The following ITFG1 variants were observed in gnomAD, a reference collection of about 807,000 sequenced individuals.
ITFG1 encodes T-cell immunomodulatory protein.
In ITFG1, 34 loss-of-function variants were observed where a neutral mutation model predicts 81.8. That is an observed-to-expected ratio of 0.42 (90% CI 0.32 to 0.55). ITFG1 has a LOEUF of 0.55. Among genes scored for constraint, ITFG1 ranks in the 20% least tolerant of loss-of-function variants. ITFG1 has a pLI of 0.17. For synonymous variants in ITFG1, 285 were observed against 270.6 expected, an observed-to-expected ratio of 1.05 and a Z score of -0.52; for missense variants, 672 against 755.4, an observed-to-expected ratio of 0.89 and a Z score of 1.29.
chr16:47,458,191 A>G (rs1969477326), intron 2 of ITFG1, among the ~76,000 whole-genome samples: 1 of 151,974 alleles, frequency 6.6e-6, no homozygotes, highest in African/African-American at 2.4e-5. Context: ...CAGCATTCAA[A>G]CTCTTTTTTG....
rs761380863 is a variant in ITFG1, at chr16:47,260,597, A to T, written c.1169T>A (p.Leu390Gln). The T allele has an allele frequency of 3.1e-6, 5 of 1,614,180 alleles. No homozygotes were observed. The highest frequency in any genetic ancestry group is 4.2e-6 in the Non-Finnish European group (5 of 1,180,020). ...AACCATGGCATCCTTAATTTGATTT[A>T]GGTCTGTCAGCTCCCAGTAGACTTT... ...MFKVYWELTD[L>Q]NQIKDAMVAT... The change falls in exon 11 of 18, where the codon CTA becomes CAA. Residue 390 changes from leucine (L) to glutamine (Q), a missense_variant. Physicochemically the swap from Leu to Gln is moderately radical, Grantham distance 113. This residue lies in a region of ITFG1 where 560 missense variants were observed against 625.7 expected (regional missense o/e 0.90). Coordinates refer to ENST00000320640, the MANE Select transcript of ITFG1 (RefSeq NM_030790.5).
intron 10 of ITFG1, among the ~76,000 whole-genome samples, chr16:47,271,268 T>C (rs1370874182): frequency 2.0e-5 from 3 of 151,986 alleles, no homozygotes; most frequent in Admixed American, 1.3e-4. Context: ...TACAACTCAA[T>C]AGCAAAAAGA....
intron 14 of ITFG1, among the ~76,000 whole-genome samples, chr16:47,205,664 C>T (rs1269210387): frequency 6.6e-6 from 1 of 152,106 alleles, no homozygotes; most frequent in Middle Eastern, 3.2e-3. Context: ...ACCAGGCTTT[C>T]AGGATTGGAG....
intron 14 of ITFG1, among the ~76,000 whole-genome samples, chr16:47,191,698 A>G (rs1965295342): frequency 6.6e-6 from 1 of 152,070 alleles, no homozygotes; most frequent in African/African-American, 2.4e-5. Context: ...TTTAGTAGAG[A>G]CAAGGTTTCA....
intron 8 of ITFG1, among the ~76,000 whole-genome samples, chr16:47,339,855 T>C (rs1346777196): frequency 1.3e-5 from 2 of 151,766 alleles, no homozygotes; most frequent in Non-Finnish European, 2.9e-5. Context: ...AATCTACAAA[T>C]CCAAGAAGCT....
chr16:47,310,122 A>G (rs887833162), intron 10 of ITFG1, among the ~76,000 whole-genome samples: 1 of 152,224 alleles, frequency 6.6e-6, no homozygotes, highest in African/African-American at 2.4e-5. Flanking sequence ...TCCAAACAGG[A>G]TGCAGAGACA....
intron 10 of ITFG1, among the ~76,000 whole-genome samples, chr16:47,285,497 G>A (rs1171019711): frequency 6.6e-6 from 1 of 152,196 alleles, no homozygotes; most frequent in Non-Finnish European, 1.5e-5. Flanking sequence ...CCAACCTGAC[G>A]CTGGTTGGAC....
At chr16:47,410,921 G>A (rs1316759301) in intron 6 of ITFG1, among the ~76,000 whole-genome samples, 1 of 152,170 alleles carries the variant, frequency 6.6e-6, no homozygotes, top group African/African-American at 2.4e-5. Flanking sequence ...CAGGGCCAGG[G>A]AAAGAGCAGG....
intron 6 of ITFG1, among the ~76,000 whole-genome samples, chr16:47,392,931 A>G (rs1048163392): frequency 5.3e-5 from 8 of 152,216 alleles, no homozygotes; most frequent in African/African-American, 1.9e-4. Context: ...AGTACTGACT[A>G]GCTCACAGGT....
chr16:47,242,984 A>T (rs539592137), intron 12 of ITFG1, among the ~76,000 whole-genome samples: 1 of 152,148 alleles, frequency 6.6e-6, no homozygotes, highest in Non-Finnish European at 1.5e-5. Context: ...ATACTTTTCT[A>T]TATGTTATAT....
chr16:47,263,747 A>G (rs373717664), intron 10 of ITFG1, among the ~76,000 whole-genome samples: 10 of 151,378 alleles, frequency 6.6e-5, no homozygotes, highest in African/African-American at 2.5e-4. Context: ...ATGAATGAAT[A>G]AATAAATACA....
At chr16:47,161,575 G>T in intron 16 of ITFG1, 175 bp downstream of exon 16, 1 of 431,020 alleles carries the variant, frequency 2.3e-6, no homozygotes. Context: ...CATGAAAAAT[G>T]TCTGGGACCT....
chr16:47,369,725 G>A (rs1156567533), intron 7 of ITFG1, among the ~76,000 whole-genome samples: 4 of 152,004 alleles, frequency 2.6e-5, no homozygotes, highest in African/African-American at 9.7e-5. Flanking sequence ...TACTCATGGG[G>A]CACACAGTGA....
chr16:47,454,506 A>G (rs1479353424), intron 2 of ITFG1, among the ~76,000 whole-genome samples: 1 of 152,204 alleles, frequency 6.6e-6, no homozygotes, highest in African/African-American at 2.4e-5. Flanking sequence ...ATGGAGGCTC[A>G]TAATTGCCAA....
At chr16:47,325,049 C>A (rs899764698) in intron 8 of ITFG1, among the ~76,000 whole-genome samples, 6 of 152,090 alleles carry the variant, frequency 3.9e-5, no homozygotes, top group African/African-American at 1.4e-4. Flanking sequence ...AGCACCACAC[C>A]ACACCTATTC....
chr16:47,287,975 C>T (rs1429289841), intron 10 of ITFG1, among the ~76,000 whole-genome samples: 1 of 152,236 alleles, frequency 6.6e-6, no homozygotes, highest in Non-Finnish European at 1.5e-5. Context: ...AGAACTTCAA[C>T]TGCTGACATT....
intron 2 of ITFG1, among the ~76,000 whole-genome samples, chr16:47,458,206 T>C (rs1969477631): frequency 6.6e-6 from 1 of 152,242 alleles, no homozygotes; most frequent in Non-Finnish European, 1.5e-5. Context: ...TTTTTGTATC[T>C]GAAGGCTCCC....
intron 6 of ITFG1, among the ~76,000 whole-genome samples, chr16:47,394,774 C>T (rs1260132108): frequency 6.6e-6 from 1 of 152,072 alleles, no homozygotes; most frequent in Non-Finnish European, 1.5e-5. Context: ...AAGTAATAAG[C>T]ACCTGATTCC....
chr16:47,446,426 G>A (rs1403082833), intron 5 of ITFG1, among the ~76,000 whole-genome samples: 1 of 152,190 alleles, frequency 6.6e-6, no homozygotes, highest in Non-Finnish European at 1.5e-5. Context: ...GAGAAAACAT[G>A]AAGATTTCTT....
Sources: allele counts gnomAD v4.1 joint callset (sites outside exome capture counted in the v4.1 genomes callset), GRCh38; gene constraint gnomAD v4.1.1; regional missense constraint gnomAD v4.1.1; transcripts MANE v1.5; gene names NCBI Gene and HGNC (gene_info 2026-07-23, HGNC 2026-07-21).